UBE2G1: variants seen among roughly 807,000 people sequenced by gnomAD.
UBE2G1 encodes ubiquitin-conjugating enzyme E2 G1.
In UBE2G1, 5 loss-of-function variants were observed where a neutral mutation model predicts 22.7. The observed-to-expected ratio is 0.22, with a 90% confidence interval of 0.12 to 0.46. The LOEUF (loss-of-function observed/expected upper bound fraction) is 0.46. Ranked by LOEUF, UBE2G1 falls within the 20% of genes least tolerant of loss-of-function variation. The pLI, the probability that UBE2G1 is intolerant of heterozygous loss-of-function variation, is 0.99. For synonymous variants in UBE2G1, 74 were observed against 67.5 expected (o/e 1.10, Z -0.47); for missense variants, 88 against 203.9 (o/e 0.43, Z 3.46).
intron 4 of UBE2G1, among the ~76,000 whole-genome samples, chr17:4,283,287 C>T (rs950773098): frequency 1.3e-5 from 2 of 152,146 alleles, no homozygotes; most frequent in African/African-American, 4.8e-5. Flanking sequence ...CCGAGGTGGG[C>T]GGATCACGAG....
chr17:4,294,048 C>CT (rs749887233), intron 3 of UBE2G1, among the ~76,000 whole-genome samples: 5 of 152,104 alleles, frequency 3.3e-5, no homozygotes, highest in African/African-American at 4.8e-5. Flanking sequence ...ATATGTACAG[C>CT]TTTAAATGTC....
Position 4,366,349 on chromosome 17 carries a change from G to A in UBE2G1, c.-33C>T, listed in dbSNP as rs370720662. 1.3e-6 allele frequency: 2 copies of A among 1,521,254 alleles called. No homozygotes were observed. Among genetic ancestry groups the A allele is most frequent in the Non-Finnish European group, 1.7e-6 (2 of 1,143,916 alleles). The allele number at this position is 1,521,254 out of a possible 1,614,324, so 94.2% of individuals were successfully genotyped here. A position where few individuals can be genotyped will look rare whatever the true frequency, so the allele number is the denominator to read the frequency against. ...GCCGAGGGCCCGGGCTGGCGCCGGG[G>A]CTTCCGAAGGGCTGGGGACAGGCTC... is the stretch of plus-strand genomic sequence containing the variant. On this transcript the variant is annotated 5_prime_UTR_variant, in exon 1 of 6. Coordinates refer to ENST00000396981, the MANE Select transcript of UBE2G1 (RefSeq NM_003342.5).
At chr17:4,293,988 C>G (rs982675468) in intron 3 of UBE2G1, among the ~76,000 whole-genome samples, 1 of 152,154 alleles carries the variant, frequency 6.6e-6, no homozygotes, top group African/African-American at 2.4e-5. Context: ...TAAGAGAAAC[C>G]TATTACATAG....
In UBE2G1 at chr17:4,301,372, G is replaced by C. The variant is rs150011814; in HGVS notation, c.150-4558C>G. 3.0e-4 allele frequency: 161 copies of C among 541,316 alleles called. 2 individuals are homozygous for C. In the East Asian group the frequency reaches 5.9e-3, roughly 20 times the overall value. The allele number at this position is 541,316 out of a possible 1,614,324, so 33.5% of individuals were successfully genotyped here. The stretch of plus-strand genomic sequence containing the variant: ...ATGGAGGAGAAGGATGAGAAAGCAT[G>C]GGTGCTGCTGGCCCTTCTGTGGCCT... On this transcript the variant is annotated intron_variant, in intron 2 of 5. Transcript: ENST00000396981.
rs550113650 is a variant in UBE2G1 at position 4,274,498 on chromosome 17, A to G, written c.*38-1982T>C. Among the ~76,000 whole-genome samples, 8 of 152,166 alleles carry G rather than the reference A, an allele frequency of 5.3e-5. No homozygotes were observed. In the South Asian group the frequency reaches 1.7e-3, roughly 32 times the overall value. On this transcript the variant is annotated intron_variant, in intron 5 of 5. Coordinates refer to ENST00000396981, the MANE Select transcript of UBE2G1 (RefSeq NM_003342.5). ...AGGCGTGAGCCACCACGCCTGGCCA[A>G]ATTGATCTATCTTACAATCACTCAA...
At chr17:4,301,185 C>CT (rs1969174400) in intron 2 of UBE2G1, among the ~76,000 whole-genome samples, 1 of 152,190 alleles carries the variant, frequency 6.6e-6, no homozygotes, top group Admixed American at 6.5e-5. Context: ...TTGTAGCTGT[C>CT]TCTTGTCCAT....
At chr17:4,290,803 G>C (rs1178305328) in intron 3 of UBE2G1, among the ~76,000 whole-genome samples, 1 of 141,018 alleles carries the variant, frequency 7.1e-6, no homozygotes, top group East Asian at 2.0e-4. Flanking sequence ...TTTTTTGGTA[G>C]AGATATAGTC....
chr17:4,290,628 T>A (rs1460609530), intron 3 of UBE2G1, among the ~76,000 whole-genome samples: 5 of 147,204 alleles, frequency 3.4e-5, no homozygotes, highest in African/African-American at 1.2e-4. Flanking sequence ...CATGGCATGA[T>A]GCCTGGCTAA....
chr17:4,318,937 A>T (rs1969406357), intron 1 of UBE2G1, among the ~76,000 whole-genome samples: 1 of 152,184 alleles, frequency 6.6e-6, no homozygotes. Context: ...TTACAGAAAC[A>T]TATTTTTAAA....
chr17:4,308,221 C>T (rs1005043039), intron 1 of UBE2G1, among the ~76,000 whole-genome samples: 19 of 152,158 alleles, frequency 1.2e-4, no homozygotes, highest in Non-Finnish European at 2.4e-4. Flanking sequence ...GGCGTAGTGG[C>T]ACATGCCTGT....
At chr17:4,290,905 C>T (rs1969028811) in intron 3 of UBE2G1, among the ~76,000 whole-genome samples, 2 of 151,908 alleles carry the variant, frequency 1.3e-5, no homozygotes, top group African/African-American at 4.8e-5. Context: ...CTACTGCATG[C>T]CAGGCACACA....
intron 2 of UBE2G1, among the ~76,000 whole-genome samples, chr17:4,298,667 A>G (rs1446430754): frequency 6.6e-6 from 1 of 152,192 alleles, no homozygotes; most frequent in Non-Finnish European, 1.5e-5. Context: ...AAGCAATAGG[A>G]AAAAAAGCTG....
chr17:4,362,715 C>A lies in UBE2G1; in HGVS notation c.46+3556G>T, dbSNP rs571237475. ...TTTGGAAATTTTATACAAAAATTAG[C>A]CTGGCGTGGTAGTACATGCCTGTAA... On this transcript the variant is annotated intron_variant, in intron 1 of 5. Transcript: ENST00000396981. Among the ~76,000 whole-genome samples the A allele has an allele frequency of 4.2e-4, 64 of 152,244 alleles. 1 individual carries two copies. Among genetic ancestry groups the A allele is most frequent in the African/African-American group, 1.4e-3 (57 of 41,534 alleles).
At chr17:4,345,933 A>G (rs1222115803) in intron 1 of UBE2G1, among the ~76,000 whole-genome samples, 1 of 152,008 alleles carries the variant, frequency 6.6e-6, no homozygotes, top group African/African-American at 2.4e-5. Flanking sequence ...ATGGATGATT[A>G]TATTTCATAT....
At chr17:4,280,037 CTTT>C (rs770757443) in intron 5 of UBE2G1, among the ~76,000 whole-genome samples, 4 of 139,918 alleles carry the variant, frequency 2.9e-5, no homozygotes, top group Non-Finnish European at 3.1e-5. Flanking sequence ...GATAGATAGA[CTTT>C]TTTTTTTTTT....
intron 1 of UBE2G1, among the ~76,000 whole-genome samples, chr17:4,325,379 T>A (rs1044628300): frequency 6.6e-6 from 1 of 152,230 alleles, no homozygotes; most frequent in Non-Finnish European, 1.5e-5. Flanking sequence ...AGCAGTTACA[T>A]GGTTTTTGTT....
At position 4,289,380 on chromosome 17, in the gene UBE2G1, A is replaced by G; in HGVS notation, c.276T>C (p.Ser92=). The change falls in exon 4 of 6, where the codon TCT becomes TCC. Residue 92 remains serine, a synonymous_variant. Transcript: ENST00000396981. Reference sequence around the variant, plus strand: ...TATCTTCCCCAGGCTCATGAAGAATAGAAATGCACACATCACCATTTTTAT... The same window carrying G: ...TATCTTCCCCAGGCTCATGAAGAATGGAAATGCACACATCACCATTTTTAT... ...NVDKNGDVCI[S]ILHEPGEDKY... 1 of 1,552,128 alleles carries G rather than the reference A, an allele frequency of 6.4e-7. No individual in the cohort carries two copies. The highest frequency in any genetic ancestry group is 8.7e-7 in the Non-Finnish European group (1 of 1,149,078).
chr17:4,329,812 T>G (rs926880880), intron 1 of UBE2G1, among the ~76,000 whole-genome samples: 3 of 128,678 alleles, frequency 2.3e-5, no homozygotes, highest in African/African-American at 1.1e-4. Context: ...GCCATTAGGC[T>G]TTTTTAAAGG....
At position 4,325,264 on chromosome 17, in the gene UBE2G1, G is replaced by A. The variant is rs115145722; in HGVS notation, c.47-18141C>T. Among the ~76,000 whole-genome samples the A allele has an allele frequency of 6.3e-3, 961 of 152,232 alleles. 13 individuals are homozygous for A. The highest frequency in any genetic ancestry group is 0.022 in the African/African-American group (922 of 41,536). ...ATGTACAATACCAAAAGTGAACCCT[G>A]ATATAAATGATGGGATTGTGGGTGA... On this transcript the variant is annotated intron_variant, in intron 1 of 5. Transcript: ENST00000396981.
Sources: allele counts gnomAD v4.1 joint callset (sites outside exome capture counted in the v4.1 genomes callset), GRCh38; gene constraint gnomAD v4.1.1; transcripts MANE v1.5; gene names NCBI Gene and HGNC (gene_info 2026-07-23, HGNC 2026-07-21).